Variants in DHRSX observed in about 807,000 individuals in gnomAD.
DHRSX encodes polyprenol dehydrogenase.
In DHRSX, 31 loss-of-function variants were observed where a neutral mutation model predicts 34.0. The observed-to-expected ratio is 0.91, with a 90% CI of 0.69 to 1.23. The LOEUF is 1.23. Ranked by LOEUF, DHRSX falls within the 50% of genes most tolerant of loss-of-function variation. The pLI is 0.00. For synonymous variants in DHRSX, 201 were observed against 183.8 expected (o/e 1.09, Z -0.76); for missense variants, 414 against 428.1 (o/e 0.97, Z 0.29).
chrX:2,239,218 T>C (rs1448884061), intron 6 of DHRSX, among the ~76,000 whole-genome samples: 1 of 152,062 alleles, frequency 6.6e-6, no homozygotes, highest in Non-Finnish European at 1.5e-5. Context: ...TGCAGTTTGC[T>C]TGTTAAATAT....
chrX:2,345,590 TGAGCCAAGATC>T lies in DHRSX; in HGVS notation c.287-53998_287-53988del, dbSNP rs1236668265. On this transcript the variant is annotated intron_variant, in intron 3 of 6. Coordinates refer to ENST00000334651, the MANE Select transcript of DHRSX (RefSeq NM_145177.3). ...CAAACCTGGGAGATAGAAGTTGCAT[TGAGCCAAGATC>T]GCACCGAGATCGCATCGTACCCCAG... Among the ~76,000 whole-genome samples, 8 of 149,610 alleles carry T rather than the reference TGAGCCAAGATC, an allele frequency of 5.3e-5. No homozygotes were observed. In the East Asian group the frequency reaches 1.2e-3, roughly 22 times the overall value.
intron 1 of DHRSX, among the ~76,000 whole-genome samples, chrX:2,437,540 G>C (rs994778828): frequency 2.0e-5 from 3 of 151,862 alleles, no homozygotes; most frequent in Non-Finnish European, 2.9e-5. Flanking sequence ...GGAGAGCAAG[G>C]CTGCAGTGAG....
chrX:2,440,867 A>G (rs2044054064), intron 1 of DHRSX, among the ~76,000 whole-genome samples: 1 of 152,114 alleles, frequency 6.6e-6, no homozygotes, highest in Non-Finnish European at 1.5e-5. Context: ...ACTCCCCTTC[A>G]TATACACATC....
chrX:2,484,642 AGGGGCAT>A (rs1603157297), intron 1 of DHRSX, among the ~76,000 whole-genome samples: 2 of 152,124 alleles, frequency 1.3e-5, no homozygotes, highest in African/African-American at 4.8e-5. Context: ...TTCACCAGGC[AGGGGCAT>A]GGCGAGTTCA....
chrX:2,264,955 G>T (rs1427070966), intron 5 of DHRSX, among the ~76,000 whole-genome samples: 4 of 125,850 alleles, frequency 3.2e-5, no homozygotes, highest in Non-Finnish European at 6.7e-5. Context: ...AGGGAGCACC[G>T]TAGCCAGAGC....
intron 5 of DHRSX, among the ~76,000 whole-genome samples, chrX:2,255,057 C>T (rs1409311389): frequency 3.3e-5 from 5 of 151,186 alleles, no homozygotes; most frequent in African/African-American, 9.7e-5. Flanking sequence ...TTCCACCTCC[C>T]GGGTTCAAGT....
At chrX:2,397,397 G>A (rs897645377) in intron 3 of DHRSX, among the ~76,000 whole-genome samples, 8 of 152,116 alleles carry the variant, frequency 5.3e-5, no homozygotes, top group African/African-American at 1.9e-4. Context: ...GCCTCCCAAA[G>A]TGCTGGAATT....
At chrX:2,309,842 G>T (rs2042142758) in intron 3 of DHRSX, among the ~76,000 whole-genome samples, 1 of 152,144 alleles carries the variant, frequency 6.6e-6, no homozygotes, top group Non-Finnish European at 1.5e-5. Context: ...GAGCATAGGA[G>T]GTTGAGGCTG....
rs557710868 is a variant in DHRSX at position 2,387,599 on chromosome X, G to C, written c.286+21146C>G. 1.8e-4 allele frequency among the ~76,000 whole-genome samples: 27 copies of C among 152,104 alleles called. No individual in the cohort carries two copies. In the East Asian group the frequency reaches 5.2e-3, roughly 29 times the overall value. ...AGCCTCGCTGGCCTGCTGATGACAT[G>C]GTGGCCACCCAGATGATTAAGGGTG... On this transcript the variant is annotated intron_variant, in intron 3 of 6. Coordinates refer to ENST00000334651, the MANE Select transcript of DHRSX (RefSeq NM_145177.3).
chrX:2,421,275 G>C (rs1391883468), intron 2 of DHRSX, among the ~76,000 whole-genome samples: 1 of 152,162 alleles, frequency 6.6e-6, no homozygotes, highest in African/African-American at 2.4e-5. Context: ...AGCTACTTGG[G>C]AGGCTGAGGT....
intron 1 of DHRSX, among the ~76,000 whole-genome samples, chrX:2,475,009 G>C (rs2044655236): frequency 6.6e-6 from 1 of 151,898 alleles, no homozygotes; most frequent in Admixed American, 6.6e-5. Flanking sequence ...TGTTCCCTAA[G>C]CATGCAGCCA....
At chrX:2,371,290 TCCCTCCTCCATTACCATAGA>T (rs2043058722) in intron 3 of DHRSX, among the ~76,000 whole-genome samples, 4 of 147,516 alleles carry the variant, frequency 2.7e-5, no homozygotes, top group Non-Finnish European at 4.5e-5. Flanking sequence ...GTTACCATAG[TCCCTCCTCCATTACCATAGA>T]CCCTCCTCCC....
intron 3 of DHRSX, among the ~76,000 whole-genome samples, chrX:2,356,970 G>A (rs1348315579): frequency 1.3e-5 from 2 of 152,226 alleles, no homozygotes; most frequent in South Asian, 2.1e-4. Flanking sequence ...TGGGCCAGGC[G>A]TAGGGGCTCA....
intron 1 of DHRSX, among the ~76,000 whole-genome samples, chrX:2,449,043 G>A (rs1312623678): frequency 6.6e-6 from 1 of 152,044 alleles, no homozygotes; most frequent in African/African-American, 2.4e-5. Context: ...ACAAAAATTA[G>A]CTGGGTGTGG....
intron 3 of DHRSX, among the ~76,000 whole-genome samples, chrX:2,398,946 G>C (rs1362201350): frequency 1.3e-5 from 2 of 151,926 alleles, no homozygotes; most frequent in Non-Finnish European, 2.9e-5. Flanking sequence ...TCCCCCTCCC[G>C]GGTTCACGCC....
chrX:2,406,068 C>T (rs1490188842), intron 3 of DHRSX, among the ~76,000 whole-genome samples: 4 of 151,984 alleles, frequency 2.6e-5, no homozygotes, highest in Admixed American at 6.6e-5. Flanking sequence ...CTGAGGCGAA[C>T]GGATCACGAG....
At chrX:2,264,573 AGTG>A (rs1433309237) in intron 5 of DHRSX, among the ~76,000 whole-genome samples, 7 of 145,526 alleles carry the variant, frequency 4.8e-5, no homozygotes, top group Admixed American at 3.4e-4. Flanking sequence ...CCAGAGCACC[AGTG>A]CCCACCAGAT....
At chrX:2,292,472 C>T (rs1266916052) in intron 3 of DHRSX, among the ~76,000 whole-genome samples, 1 of 152,122 alleles carries the variant, frequency 6.6e-6, no homozygotes, top group Non-Finnish European at 1.5e-5. Context: ...AAGTATGAGC[C>T]CTTCCACGCT....
At chrX:2,483,520 C>T (rs1238138110) in intron 1 of DHRSX, among the ~76,000 whole-genome samples, 7 of 152,136 alleles carry the variant, frequency 4.6e-5, no homozygotes, top group Non-Finnish European at 1.0e-4. Context: ...CCGCCTGCCT[C>T]GGCCTCCCAA....
Sources: allele counts gnomAD v4.1 joint callset (sites outside exome capture counted in the v4.1 genomes callset), GRCh38; gene constraint gnomAD v4.1.1; transcripts MANE v1.5; gene names NCBI Gene and HGNC (gene_info 2026-07-23, HGNC 2026-07-21).